The following MET variants were observed in gnomAD, a reference collection of about 807,000 sequenced individuals.
MET encodes hepatocyte growth factor receptor.
MET carries 48 observed loss-of-function variants against 133.1 expected under a neutral mutation model. The observed-to-expected ratio is 0.36, with a 90% confidence interval of 0.29 to 0.46. The LOEUF (loss-of-function observed/expected upper bound fraction) is 0.46. Ranked by LOEUF, MET falls within the 20% of genes least tolerant of loss-of-function variation. MET has a pLI of 1.00. For missense variants in MET, 1,442 were observed against 1,695.9 expected, an observed-to-expected ratio of 0.85 and a Z score of 2.63; for synonymous variants, 628 against 616.5, an observed-to-expected ratio of 1.02 and a Z score of -0.28.
chr7:116,695,713 C>A (rs146723491), intron 1 of MET: 43 of 462,354 alleles, frequency 9.3e-5, no homozygotes, highest in African/African-American at 7.8e-4. Flanking sequence ...GTTTGCTTAT[C>A]TAGAAGAGAA....
At position 116,763,156 on chromosome 7, in the gene MET, A is replaced by C; in HGVS notation, c.2471A>C (p.Asp824Ala). ...AAAACCAAAGCCTTTTTCATGTTAG[A>C]TGGGATCCTTTCCAAATACTTTGAT... is the stretch of plus-strand genomic sequence containing the variant. The part of the protein sequence containing the change: ...PLKTKAFFML[D>A]GILSKYFDLI... Residue 824 changes from aspartate (D) to alanine (A), a missense_variant, in exon 11 of 21, where the codon GAT becomes GCT. By Grantham distance (126) the Asp-to-Ala change is moderately radical. Around this residue, in one of 6 missense-constraint regions of MET, gnomAD observed 514 missense variants for 659.6 expected, o/e 0.78. Transcript: ENST00000397752. 6.2e-7 allele frequency: 1 copy of C among 1,614,010 alleles called. No homozygotes were observed. The highest frequency in any genetic ancestry group is 1.1e-5 in the South Asian group (1 of 91,080).
intron 1 of MET, among the ~76,000 whole-genome samples, chr7:116,698,632 A>G (rs1797050738): frequency 6.6e-6 from 1 of 152,252 alleles, no homozygotes; most frequent in Non-Finnish European, 1.5e-5. Flanking sequence ...TGATTTCTAG[A>G]ATAAATGAAT....
intron 12 of MET, among the ~76,000 whole-genome samples, chr7:116,770,540 A>G (rs951328901): frequency 2.6e-5 from 4 of 151,996 alleles, no homozygotes; most frequent in African/African-American, 9.7e-5. Flanking sequence ...TCGTCACCCC[A>G]AACAGATACT....
At chr7:116,722,165 A>C (rs374348025) in intron 2 of MET, among the ~76,000 whole-genome samples, 1 of 151,196 alleles carries the variant, frequency 6.6e-6, no homozygotes, top group Non-Finnish European at 1.5e-5. Context: ...GAATCTGGGT[A>C]CTCCTGTATT....
intron 1 of MET, among the ~76,000 whole-genome samples, chr7:116,688,606 T>C (rs142693440): frequency 0.012 from 1,788 of 152,340 alleles, 19 homozygotes; most frequent in Non-Finnish European, 0.017. Context: ...AAATGTCCAT[T>C]TATTCTTCTT....
At chr7:116,754,319 A>C (rs1186500182) in intron 5 of MET, among the ~76,000 whole-genome samples, 1 of 152,232 alleles carries the variant, frequency 6.6e-6, no homozygotes, top group Non-Finnish European at 1.5e-5. Flanking sequence ...TACCATAGCA[A>C]CCAGAATGTA....
intron 5 of MET, among the ~76,000 whole-genome samples, chr7:116,753,985 A>T (rs1794027432): frequency 1.3e-5 from 2 of 152,186 alleles, no homozygotes; most frequent in Admixed American, 1.3e-4. Context: ...AAATTTAAAA[A>T]TTAGCTGGGT....
chr7:116,741,121 A>T (rs1252405183), intron 5 of MET, 96 bp downstream of exon 5: 11 of 1,362,254 alleles, frequency 8.1e-6, no homozygotes, highest in Admixed American at 6.6e-5. Flanking sequence ...TTTAGATACA[A>T]ATCCCACTAA....
chr7:116,679,260 T>C (rs1478245295), intron 1 of MET, among the ~76,000 whole-genome samples: 1 of 152,224 alleles, frequency 6.6e-6, no homozygotes, highest in Non-Finnish European at 1.5e-5. Context: ...TCAGTTCTTC[T>C]ATTCAATATT....
chr7:116,745,048 G>A (rs1793614628), intron 5 of MET, among the ~76,000 whole-genome samples: 1 of 152,282 alleles, frequency 6.6e-6, no homozygotes, highest in Non-Finnish European at 1.5e-5. Flanking sequence ...TCAGCCCAAA[G>A]TCTCCTTAAG....
At position 116,746,718 on chromosome 7, in the gene MET, G is replaced by A. The variant is rs1313096882; in HGVS notation, c.1701+5693G>A. On this transcript the variant is annotated intron_variant, in intron 5 of 20. Coordinates refer to ENST00000397752, the MANE Select transcript of MET (RefSeq NM_000245.4). ...CACCGCATGTTCTCACTCATAGGTGGGAATTGAACAATGAGAACACGTGGA... is the reference window on the plus strand; with the variant it reads ...CACCGCATGTTCTCACTCATAGGTGAGAATTGAACAATGAGAACACGTGGA... Among the ~76,000 whole-genome samples the A allele has an allele frequency of 2.7e-5, 4 of 149,376 alleles. No homozygotes were observed. In the East Asian group the frequency reaches 8.1e-4, roughly 30 times the overall value.
intron 2 of MET, among the ~76,000 whole-genome samples, chr7:116,707,714 G>C (rs2116642558): frequency 1.3e-5 from 2 of 152,252 alleles, no homozygotes; most frequent in South Asian, 4.1e-4. Context: ...TGGTCTGTTA[G>C]CTCTGAGTGA....
In MET at chr7:116,699,848, G is replaced by T. The variant is rs1294994065; in HGVS notation, c.764G>T (p.Ser255Ile). 1.9e-6 allele frequency: 3 copies of T among 1,614,072 alleles called. No homozygotes were observed. The highest frequency in any genetic ancestry group is 1.7e-6 in the Non-Finnish European group (2 of 1,179,974). The change falls in exon 2 of 21, where the codon AGC becomes ATC. Residue 255 changes from serine to isoleucine, a missense_variant. By Grantham distance (142) the Ser-to-Ile change is moderately radical. Transcript: ENST00000397752. ...ATTAAGTATGTCCATGCCTTTGAAA[G>T]CAACAATTTTATTTACTTCTTGACG... ...YPIKYVHAFESNNFIYFLTVQ... is the reference protein window; with the variant it reads ...YPIKYVHAFEINNFIYFLTVQ...
At chr7:116,682,084 G>A (rs1435843312) in intron 1 of MET, among the ~76,000 whole-genome samples, 1 of 152,054 alleles carries the variant, frequency 6.6e-6, no homozygotes, top group Non-Finnish European at 1.5e-5. Context: ...ATTGAAATCT[G>A]TACGTCAAGG....
chr7:116,741,117 TACAAA>T, intron 5 of MET, 92 bp downstream of exon 5: 1 of 1,426,450 alleles, frequency 7.0e-7, no homozygotes. Flanking sequence ...TTTTTTTAGA[TACAAA>T]TCCCACTAAT....
At chr7:116,696,816 A>C (rs1400782170) in intron 1 of MET, among the ~76,000 whole-genome samples, 1 of 152,194 alleles carries the variant, frequency 6.6e-6, no homozygotes, top group African/African-American at 2.4e-5. Context: ...TATTCCTTCT[A>C]GTGCAGCAGT....
chr7:116,674,185 G>T (rs1796072758), intron 1 of MET, among the ~76,000 whole-genome samples: 1 of 152,108 alleles, frequency 6.6e-6, no homozygotes, highest in South Asian at 2.1e-4. Flanking sequence ...GGCAGTAGGG[G>T]TTTACATTAG....
intron 5 of MET, among the ~76,000 whole-genome samples, chr7:116,754,893 G>GAGAGAAAGAA (rs1794070994): frequency 3.1e-5 from 3 of 97,446 alleles, no homozygotes; most frequent in African/African-American, 1.1e-4. Flanking sequence ...GAGAGAAAGA[G>GAGAGAAAGAA]AGAAAGAAAG....
intron 5 of MET, among the ~76,000 whole-genome samples, chr7:116,752,664 G>T (rs1005340200): frequency 3.3e-5 from 5 of 152,214 alleles, no homozygotes; most frequent in African/African-American, 1.2e-4. Flanking sequence ...TCTAGCAGAG[G>T]GCTTATAATA....
Sources: allele counts gnomAD v4.1 joint callset (sites outside exome capture counted in the v4.1 genomes callset), GRCh38; gene constraint gnomAD v4.1.1; regional missense constraint gnomAD v4.1.1; transcripts MANE v1.5; gene names NCBI Gene and HGNC (gene_info 2026-07-23, HGNC 2026-07-21).